The following VPS50 variants were observed in gnomAD, a reference collection of about 807,000 sequenced individuals.
The protein encoded by VPS50 is VPS50 subunit of EARP/GARPII complex.
In VPS50, 70 loss-of-function variants were observed where a neutral mutation model predicts 139.7. The ratio of observed to expected loss-of-function variants is 0.50; its 90% CI spans 0.41 to 0.61. The LOEUF is 0.61. VPS50 is among the 20% of genes least tolerant of loss of function. The pLI is 0.00. For missense variants in VPS50, 921 were observed against 1,133.7 expected, an observed-to-expected ratio of 0.81 and a Z score of 2.69; for synonymous variants, 365 against 376.7, an observed-to-expected ratio of 0.97 and a Z score of 0.36.
intron 1 of VPS50, among the ~76,000 whole-genome samples, chr7:93,234,554 G>C (rs1794741879): frequency 6.6e-6 from 1 of 152,176 alleles, no homozygotes; most frequent in Admixed American, 6.5e-5. Context: ...CACAGTTCCT[G>C]AATCTATGAG....
intron 14 of VPS50, among the ~76,000 whole-genome samples, chr7:93,295,053 A>G (rs1796768454): frequency 1.3e-5 from 2 of 152,214 alleles, no homozygotes; most frequent in African/African-American, 4.8e-5. Flanking sequence ...TTTAGAATGA[A>G]TAATTCTTTT....
intron 1 of VPS50, 86 bp downstream of exon 1, chr7:93,232,586 G>A: frequency 1.6e-6 from 2 of 1,219,900 alleles, no homozygotes; most frequent in Non-Finnish European, 2.4e-6. Flanking sequence ...AGTGGCGGGC[G>A]GGGATCTAAG....
chr7:93,314,584 A>G (rs903833209), intron 20 of VPS50, among the ~76,000 whole-genome samples: 2 of 152,158 alleles, frequency 1.3e-5, no homozygotes, highest in African/African-American at 4.8e-5. Flanking sequence ...AGCAGGTGTG[A>G]TAGGTCTGAG....
chr7:93,271,541 A>T (rs1219042849), intron 10 of VPS50, among the ~76,000 whole-genome samples: 1 of 151,800 alleles, frequency 6.6e-6, no homozygotes, highest in Non-Finnish European at 1.5e-5. Flanking sequence ...ATTATATAAT[A>T]GCCAAAATAC....
intron 23 of VPS50, among the ~76,000 whole-genome samples, chr7:93,347,102 C>G (rs1333198961): frequency 6.7e-6 from 1 of 148,162 alleles, no homozygotes; most frequent in African/African-American, 2.4e-5. Context: ...TATCCAGAAT[C>G]TACAATGAAC....
Position 93,246,077 on chromosome 7 carries a change from C to T in VPS50, c.102+6143C>T, listed in dbSNP as rs558462814. On this transcript the variant is annotated intron_variant, in intron 2 of 27. Transcript: ENST00000305866. ...CTCTGTTTAGATTTTGGTCACTAAA[C>T]GCTTCTTTTTTTTTTTGCTTTCAGT... is the stretch of plus-strand genomic sequence containing the variant. 128 of 1,479,922 alleles carry T rather than the reference C, an allele frequency of 8.6e-5. No individual in the cohort carries two copies. The South Asian group carries it at 1.3e-3, about 15-fold the overall frequency. 91.7% of individuals were successfully genotyped at this position (1,479,922 alleles called of 1,614,324 possible).
intron 23 of VPS50, among the ~76,000 whole-genome samples, chr7:93,347,832 G>T (rs547772873): frequency 8.5e-4 from 98 of 115,626 alleles, no homozygotes; most frequent in Non-Finnish European, 1.4e-3. Flanking sequence ...GTTGTGGGGT[G>T]GGGGGAGGGG....
At position 93,349,899 on chromosome 7, in the gene VPS50, CG is replaced by C. The variant is rs1798509717; in HGVS notation, c.2331del (p.Lys778AsnfsTer7). Reference sequence around the variant, plus strand: ...GACAGTCTCAACCGCCAGTGAACTACGGAAACCAATTTACTGGATTGTAGCT... The same window carrying C: ...GACAGTCTCAACCGCCAGTGAACTACGAAACCAATTTACTGGATTGTAGCT... ...SQTVSTASEL[R>X]KPIYWIVAGK... On this transcript the variant is annotated frameshift_variant, in exon 25 of 28. Coordinates refer to ENST00000305866, the MANE Select transcript of VPS50 (RefSeq NM_017667.4). LOFTEE classifies it high-confidence loss of function. 6.2e-7 allele frequency: 1 copy of C among 1,612,770 alleles called. No individual in the cohort carries two copies. Among genetic ancestry groups the C allele is most frequent in the Admixed American group, 1.7e-5 (1 of 59,838 alleles).
intron 22 of VPS50, among the ~76,000 whole-genome samples, chr7:93,339,658 C>T (rs1469156214): frequency 6.6e-6 from 1 of 152,088 alleles, no homozygotes; most frequent in Non-Finnish European, 1.5e-5. Context: ...CTTTAAACTC[C>T]ATAATAGAGA....
Position 93,296,668 on chromosome 7 carries a change from A to G in VPS50, c.1168-74A>G, listed in dbSNP as rs993733019. 13 of 1,542,914 alleles carry G rather than the reference A, an allele frequency of 8.4e-6. No individual in the cohort carries two copies. The African/African-American group carries it at 9.7e-5, about 12-fold the overall frequency. On this transcript the variant is annotated intron_variant, in intron 14 of 27. Transcript: ENST00000305866. Reference sequence around the variant, plus strand: ...TCCTGTCTCATTTTAATCTGGAACTATAGAGTAAATGCTTCTGATAACTTA... The same window carrying G: ...TCCTGTCTCATTTTAATCTGGAACTGTAGAGTAAATGCTTCTGATAACTTA...
chr7:93,284,041 T>C (rs1796408829), intron 12 of VPS50, among the ~76,000 whole-genome samples: 1 of 152,192 alleles, frequency 6.6e-6, no homozygotes, highest in South Asian at 2.1e-4. Flanking sequence ...ATTGTTCATG[T>C]CTAAGAACTC....
intron 12 of VPS50, among the ~76,000 whole-genome samples, chr7:93,291,442 A>G (rs1796645450): frequency 6.6e-6 from 1 of 152,036 alleles, no homozygotes; most frequent in Non-Finnish European, 1.5e-5. Flanking sequence ...TAATTCAGTA[A>G]TTTCTTTATG....
At chr7:93,349,824 TATG>T (rs749892453) in intron 24 of VPS50, 48 bp from the exon 25 acceptor site, 15 of 1,416,700 alleles carry the variant, frequency 1.1e-5, no homozygotes, top group Non-Finnish European at 1.5e-5. Context: ...TCTTTATCAA[TATG>T]ATACTTTTAG....
intron 12 of VPS50, among the ~76,000 whole-genome samples, chr7:93,290,446 G>A (rs1796617067): frequency 1.3e-5 from 2 of 150,790 alleles, no homozygotes; most frequent in Non-Finnish European, 3.0e-5. Context: ...GACCACAGGG[G>A]TTGTGCCTTA....
intron 5 of VPS50, 30 bp downstream of exon 5, chr7:93,256,592 A>G: frequency 5.7e-6 from 7 of 1,217,792 alleles, no homozygotes; most frequent in Non-Finnish European, 8.1e-6. Flanking sequence ...TTTTTGTAGT[A>G]GAATTTTTAA....
chr7:93,292,151 T>C (rs1205636052), intron 13 of VPS50, among the ~76,000 whole-genome samples: 1 of 152,054 alleles, frequency 6.6e-6, no homozygotes, highest in Non-Finnish European at 1.5e-5. Flanking sequence ...AAGACATTGG[T>C]CTGTCTAAGT....
At chr7:93,264,036 A>T (rs777358772) in intron 9 of VPS50, among the ~76,000 whole-genome samples, 1 of 152,240 alleles carries the variant, frequency 6.6e-6, no homozygotes, top group Non-Finnish European at 1.5e-5. Flanking sequence ...GTGCCATTTT[A>T]TATAAAGAAC....
chr7:93,261,822 G>A lies in VPS50; in HGVS notation c.659+2190G>A, dbSNP rs576421567. On this transcript the variant is annotated intron_variant, in intron 9 of 27. Coordinates refer to ENST00000305866, the MANE Select transcript of VPS50 (RefSeq NM_017667.4). ...GAGCAGGAAGACTTGAGGTAGGCCA[G>A]GATATGAGAGTTGTGAATAGGAAAC... 5.3e-5 allele frequency among the ~76,000 whole-genome samples: 8 copies of A among 152,282 alleles called. No homozygotes were observed. The South Asian group carries it at 1.7e-3, about 32-fold the overall frequency.
intron 12 of VPS50, among the ~76,000 whole-genome samples, chr7:93,286,865 T>C (rs1356983385): frequency 6.6e-6 from 1 of 152,098 alleles, no homozygotes; most frequent in African/African-American, 2.4e-5. Context: ...ACTGTGACAA[T>C]TGACACCAGT....
Sources: allele counts gnomAD v4.1 joint callset (sites outside exome capture counted in the v4.1 genomes callset), GRCh38; gene constraint gnomAD v4.1.1; transcripts MANE v1.5; gene names NCBI Gene and HGNC (gene_info 2026-07-23, HGNC 2026-07-21).